Variants in CYP4Z1 observed in about 807,000 individuals in gnomAD.
CYP4Z1 encodes cytochrome P450 family 4 subfamily Z member 1.
In CYP4Z1, 41 loss-of-function variants were observed where a neutral mutation model predicts 54.2. The ratio of observed to expected loss-of-function variants is 0.76; its 90% CI spans 0.59 to 0.98. CYP4Z1 has a LOEUF of 0.98. Ranked by LOEUF, CYP4Z1 falls within the 50% of genes least tolerant of loss-of-function variation. The pLI is 0.00. For synonymous variants in CYP4Z1, 163 were observed against 206.2 expected, an observed-to-expected ratio of 0.79 and a Z score of 1.79; for missense variants, 513 against 599.0, an observed-to-expected ratio of 0.86 and a Z score of 1.50.
chr1:47,068,506 C>T (rs1386393071), intron 1 of CYP4Z1, 116 bp from the exon 2 acceptor site: 6 of 1,332,282 alleles, frequency 4.5e-6, no homozygotes, highest in Non-Finnish European at 6.2e-6. Context: ...AGATGTGAAC[C>T]TGTCTGATGG....
At chr1:47,114,506 G>A (rs1015896433) in intron 9 of CYP4Z1, among the ~76,000 whole-genome samples, 14 of 152,086 alleles carry the variant, frequency 9.2e-5, no homozygotes, top group Non-Finnish European at 1.9e-4. Flanking sequence ...GAGTGAACAG[G>A]CAACCTACAG....
At chr1:47,086,538 G>T (rs1644596202) in intron 6 of CYP4Z1, among the ~76,000 whole-genome samples, 1 of 152,130 alleles carries the variant, frequency 6.6e-6, no homozygotes, top group Non-Finnish European at 1.5e-5. Context: ...TTTTGATGGG[G>T]TTGTTTGTTT....
At position 47,094,658 on chromosome 1, in the gene CYP4Z1, T is replaced by C. The variant is rs1470616746; in HGVS notation, c.865T>C (p.Leu289=). 2.5e-6 allele frequency: 4 copies of C among 1,610,668 alleles called. No individual in the cohort carries two copies. The African/African-American group carries it at 4.0e-5, about 16-fold the overall frequency. Residue 289 remains leucine, a synonymous_variant, in exon 7 of 12, where the codon TTG becomes CTG. Coordinates refer to ENST00000334194, the MANE Select transcript of CYP4Z1 (RefSeq NM_178134.3). ...KRRWDFLDIL[L]SAKSENTKDF... ...GCGCTGGGATTTTCTGGACATACTT[T>C]TGAGTGCCAAAGTAAGTCTTCTAAA...
the CYP4Z1 span, among the ~76,000 whole-genome samples, chr1:47,058,700 C>T: frequency 6.6e-6 from 1 of 152,032 alleles, no homozygotes; most frequent in Non-Finnish European, 1.5e-5. Context: ...CTGACTACTA[C>T]CAATATTTTT....
At chr1:47,057,605 CT>C in the CYP4Z1 span, among the ~76,000 whole-genome samples, 3 of 148,490 alleles carry the variant, frequency 2.0e-5, no homozygotes, top group Non-Finnish European at 3.0e-5. Context: ...AGATATTGGA[CT>C]TTTCATTACT....
At chr1:47,061,102 G>C in the CYP4Z1 span, among the ~76,000 whole-genome samples, 3 of 152,100 alleles carry the variant, frequency 2.0e-5, no homozygotes, top group African/African-American at 7.2e-5. Flanking sequence ...AAGGTAAAAA[G>C]ATCTCAAATT....
Position 47,108,847 on chromosome 1 carries a change from AAGAT to A in CYP4Z1, c.1201+2590_1201+2593del, listed in dbSNP as rs1437222587. ...TGTCTGTGAGTAATTTTAAGTGAGA[AAGAT>A]AGAAGTCATCCTCACACCTCCACCA... On this transcript the variant is annotated intron_variant, in intron 9 of 11. Coordinates refer to ENST00000334194, the MANE Select transcript of CYP4Z1 (RefSeq NM_178134.3). 8.6e-5 allele frequency among the ~76,000 whole-genome samples: 13 copies of A among 151,980 alleles called. No individual in the cohort carries two copies. The South Asian group carries it at 1.7e-3, about 20-fold the overall frequency.
chr1:47,055,646 G>T, the CYP4Z1 span, among the ~76,000 whole-genome samples: 1 of 152,126 alleles, frequency 6.6e-6, no homozygotes, highest in African/African-American at 2.4e-5. Flanking sequence ...GTTTAGTCTT[G>T]GGAGGGTGTA....
intron 6 of CYP4Z1, among the ~76,000 whole-genome samples, chr1:47,089,055 T>C (rs1223475496): frequency 6.7e-6 from 1 of 149,878 alleles, no homozygotes; most frequent in African/African-American, 2.5e-5. Context: ...CAACATGCCG[T>C]GTAACTATTT....
chr1:47,108,693 G>A (rs1326677860), intron 9 of CYP4Z1, among the ~76,000 whole-genome samples: 1 of 152,090 alleles, frequency 6.6e-6, no homozygotes, highest in African/African-American at 2.4e-5. Flanking sequence ...TTAAACATTT[G>A]CTCTAGGCAC....
intron 2 of CYP4Z1, among the ~76,000 whole-genome samples, chr1:47,069,278 T>A (rs2148524585): frequency 6.6e-6 from 1 of 152,378 alleles, no homozygotes; most frequent in East Asian, 1.9e-4. Flanking sequence ...AGCTGCTTCT[T>A]GGCCGTGGCA....
In CYP4Z1 at chr1:47,099,123, A is replaced by C. The variant is rs777790941; in HGVS notation, c.906A>C (p.Ala302=). Residue 302 remains alanine (A), a synonymous_variant, in exon 8 of 12, where the codon GCA becomes GCC. Coordinates refer to ENST00000334194, the MANE Select transcript of CYP4Z1 (RefSeq NM_178134.3). The stretch of plus-strand genomic sequence containing the variant: ...AAAACACCAAAGATTTCTCTGAAGC[A>C]GATCTCCAGGCTGAAGTGAAAACGT... ...KSENTKDFSE[A]DLQAEVKTFM... The C allele has an allele frequency of 1.5e-5, 25 of 1,614,004 alleles. No homozygotes were observed. Among genetic ancestry groups the C allele is most frequent in the Non-Finnish European group, 2.1e-5 (25 of 1,179,994 alleles).
intron 9 of CYP4Z1, among the ~76,000 whole-genome samples, chr1:47,113,001 A>C (rs1302800390): frequency 6.6e-6 from 1 of 151,382 alleles, no homozygotes; most frequent in Non-Finnish European, 1.5e-5. Context: ...TGACTAGGAA[A>C]GGAAAAAAAA....
chr1:47,084,024 T>G (rs1312811127), intron 4 of CYP4Z1, among the ~76,000 whole-genome samples: 3 of 152,122 alleles, frequency 2.0e-5, no homozygotes, highest in Non-Finnish European at 4.4e-5. Flanking sequence ...GAACTTCGTC[T>G]CAATAAACAT....
At chr1:47,105,921 G>A (rs540783085) in intron 8 of CYP4Z1, among the ~76,000 whole-genome samples, 6 of 54,126 alleles carry the variant, frequency 1.1e-4, no homozygotes, top group South Asian at 1.6e-3. Flanking sequence ...ATATCTGCGG[G>A]GGGGGGAGAA....
intron 8 of CYP4Z1, among the ~76,000 whole-genome samples, chr1:47,105,919 G>C (rs948124974): frequency 4.1e-5 from 2 of 48,194 alleles, no homozygotes; most frequent in Non-Finnish European, 7.3e-5. Context: ...CTATATCTGC[G>C]GGGGGGGGAG....
intron 2 of CYP4Z1, among the ~76,000 whole-genome samples, chr1:47,071,196 C>CA (rs745911980): frequency 2.2e-3 from 340 of 152,200 alleles, no homozygotes; most frequent in South Asian, 9.8e-3. Flanking sequence ...GTCAGGAATT[C>CA]AAGACCAGCC....
Position 47,067,675 on chromosome 1 carries a change from G to A in CYP4Z1, c.177+8G>A, listed in dbSNP as rs1569693037. ...TTCTATGGCCACAAGGAGGTAAGAG[G>A]AGAAAATTAGTTGGGGAGGTTAAGG... On this transcript the variant is annotated splice_region_variant and intron_variant, in intron 1 of 11. Coordinates refer to ENST00000334194, the MANE Select transcript of CYP4Z1 (RefSeq NM_178134.3). The A allele has an allele frequency of 6.3e-7, 1 of 1,589,350 alleles. No homozygotes were observed. Among genetic ancestry groups the A allele is most frequent in the Non-Finnish European group, 8.6e-7 (1 of 1,164,610 alleles).
rs557601500 is a variant in CYP4Z1, at chr1:47,094,638, G to A, written c.845G>A (p.Trp282Ter). 2.5e-5 allele frequency: 40 copies of A among 1,611,090 alleles called. No homozygotes were observed. The highest frequency in any genetic ancestry group is 1.3e-4 in the African/African-American group (10 of 74,764). ...CAAGATACTACTCAGAAAAGGCGCT[G>A]GGATTTTCTGGACATACTTTTGAGT... ...LKQDTTQKRR[W>*]DFLDILLSAK... Residue 282 changes from tryptophan to a stop codon, truncating the protein, a stop_gained, in exon 7 of 12, where the codon TGG (tryptophan) becomes TAG (stop). Coordinates refer to ENST00000334194, the MANE Select transcript of CYP4Z1 (RefSeq NM_178134.3). LOFTEE classifies it high-confidence loss of function.
Sources: gnomAD v4.1 joint callset for allele counts (sites outside exome capture counted in the v4.1 genomes callset) on GRCh38, gnomAD v4.1.1 for gene constraint, MANE v1.5 for transcripts, NCBI Gene and HGNC (gene_info 2026-07-23, HGNC 2026-07-21) for gene names.